The following CSMD1 variants were observed in gnomAD, a reference collection of about 807,000 sequenced individuals.
CSMD1 encodes CUB and Sushi multiple domains 1.
Under a neutral mutation model 417.5 loss-of-function variants are expected in CSMD1, and 213 were observed. That is an observed-to-expected ratio of 0.51 (90% confidence interval 0.46 to 0.57). The LOEUF is 0.57. Among genes scored for constraint, CSMD1 ranks in the 20% least tolerant of loss-of-function variants. The probability of loss-of-function intolerance (pLI) is 0.00; values close to 1 mark genes in which losing one functional copy is unlikely to be tolerated. For synonymous variants in CSMD1, 2,862 were observed against 1,736.8 expected (o/e 1.65, Z -16.11); for missense variants, 6,923 against 4,529.7 (o/e 1.53, Z -15.17).
At chr8:3,615,069 C>A (rs1437768647) in intron 8 of CSMD1, among the ~76,000 whole-genome samples, 1 of 152,172 alleles carries the variant, frequency 6.6e-6, no homozygotes, top group Admixed American at 6.5e-5. Flanking sequence ...TGAATGACTT[C>A]AAATGACTGC....
chr8:3,694,147 A>T (rs1585087396), intron 7 of CSMD1, among the ~76,000 whole-genome samples: 1 of 151,868 alleles, frequency 6.6e-6, no homozygotes, highest in Admixed American at 6.6e-5. Context: ...GTGTGTGTAC[A>T]TGCTGGAGAG....
chr8:4,797,898 A>G (rs1464007982), intron 1 of CSMD1, among the ~76,000 whole-genome samples: 1 of 152,242 alleles, frequency 6.6e-6, no homozygotes, highest in African/African-American at 2.4e-5. Flanking sequence ...AATACTTATA[A>G]AATTCCACAG....
intron 1 of CSMD1, among the ~76,000 whole-genome samples, chr8:4,669,679 T>A (rs1805169686): frequency 6.6e-6 from 1 of 152,186 alleles, no homozygotes; most frequent in Admixed American, 6.5e-5. Flanking sequence ...AGCTGTTGGT[T>A]TTTTGCTAAC....
chr8:3,791,505 C>T (rs150056498), intron 5 of CSMD1, among the ~76,000 whole-genome samples: 1 of 152,294 alleles, frequency 6.6e-6, no homozygotes, highest in East Asian at 1.9e-4. Context: ...GTCATCTCTA[C>T]AACAAGGGTA....
rs1430905316 is a variant in CSMD1 at position 3,414,220 on chromosome 8, A to G, written c.1562-4615T>C. Among the ~76,000 whole-genome samples the G allele has an allele frequency of 2.9e-4, 36 of 124,454 alleles. 1 individual carries two copies. The highest frequency in any genetic ancestry group is 1.1e-3 in the African/African-American group (35 of 30,606). 81.6% of individuals were successfully genotyped at this position (124,454 alleles called of 152,430 possible). A position where few individuals can be genotyped will look rare whatever the true frequency, so the allele number is the denominator to read the frequency against. On this transcript the variant is annotated intron_variant, in intron 12 of 69. Transcript: ENST00000635120. ...GACTGATGCACCTAAAGCAAAAAAA[A>G]AAAAAAAAAAAAAAAAAAATGCTGT...
chr8:4,622,682 G>C (rs899432926), intron 2 of CSMD1, among the ~76,000 whole-genome samples: 14 of 152,264 alleles, frequency 9.2e-5, no homozygotes, highest in African/African-American at 3.1e-4. Flanking sequence ...AGACATTGTG[G>C]ATGATGATGA....
intron 3 of CSMD1, among the ~76,000 whole-genome samples, chr8:4,335,492 C>A (rs971982256): frequency 3.3e-5 from 5 of 152,066 alleles, no homozygotes; most frequent in African/African-American, 1.2e-4. Context: ...ATACAAATGT[C>A]CTGAACAAAC....
At chr8:4,611,395 T>G (rs1032122547) in intron 2 of CSMD1, among the ~76,000 whole-genome samples, 8 of 152,206 alleles carry the variant, frequency 5.3e-5, no homozygotes, top group Admixed American at 2.0e-4. Flanking sequence ...GGCTATCTGG[T>G]TAGTTCTTGA....
At chr8:3,531,921 C>T (rs974386954) in intron 10 of CSMD1, among the ~76,000 whole-genome samples, 1 of 152,144 alleles carries the variant, frequency 6.6e-6, no homozygotes, top group Non-Finnish European at 1.5e-5. Context: ...AAGAAATGAG[C>T]AACATGCAGT....
chr8:3,447,509 T>A (rs10282982), intron 12 of CSMD1, among the ~76,000 whole-genome samples: 30,986 of 152,052 alleles, frequency 0.2, 4,246 homozygotes, highest in African/African-American at 0.36. Flanking sequence ...GTGCAGGCAG[T>A]GTACTTTGTG....
At position 3,263,995 on chromosome 8, in the gene CSMD1, GA is replaced by G. The variant is rs1585849141; in HGVS notation, c.4153+20148del. On this transcript the variant is annotated intron_variant, in intron 26 of 69. Coordinates refer to ENST00000635120, the MANE Select transcript of CSMD1 (RefSeq NM_033225.6). Reference sequence around the variant, plus strand: ...TTTTTGCATCCTCATGAAACTGAAAGATCCTTAATTTGTTTATTTAAAGAGA... The same window carrying G: ...TTTTTGCATCCTCATGAAACTGAAAGTCCTTAATTTGTTTATTTAAAGAGA... Among the ~76,000 whole-genome samples, 4 of 152,206 alleles carry G rather than the reference GA, an allele frequency of 2.6e-5. No individual in the cohort carries two copies. The East Asian group carries it at 7.7e-4, about 29-fold the overall frequency.
chr8:4,607,320 G>GTTAA (rs2130781365), intron 2 of CSMD1, among the ~76,000 whole-genome samples: 1 of 152,246 alleles, frequency 6.6e-6, no homozygotes, highest in Non-Finnish European at 1.5e-5. Context: ...GTATCAGAAT[G>GTTAA]TTAAGGGTTA....
intron 2 of CSMD1, among the ~76,000 whole-genome samples, chr8:4,617,315 C>A (rs977323986): frequency 3.0e-4 from 45 of 152,094 alleles, no homozygotes; most frequent in Non-Finnish European, 1.6e-4. Context: ...ACAGATATAA[C>A]CAAAAATATT....
chr8:2,949,157 C>T, intron 68 of CSMD1, 142 bp downstream of exon 68: 1 of 545,194 alleles, frequency 1.8e-6, no homozygotes, highest in Non-Finnish European at 3.2e-6. Context: ...AATTTTTTTT[C>T]ATTCAGCTGT....
chr8:4,656,771 T>C (rs1375990106), intron 1 of CSMD1, among the ~76,000 whole-genome samples: 3 of 151,652 alleles, frequency 2.0e-5, no homozygotes, highest in Admixed American at 1.3e-4. Flanking sequence ...GTGGCAGACG[T>C]GATCCTAGAA....
intron 2 of CSMD1, among the ~76,000 whole-genome samples, chr8:4,549,916 A>AAAAAG (rs1367977785): frequency 1.2e-3 from 173 of 143,092 alleles, no homozygotes; most frequent in Middle Eastern, 0.012. Flanking sequence ...AAAAAAAAAA[A>AAAAAG]AAAAGAAAAG....
chr8:3,727,620 C>T (rs1174705467), intron 6 of CSMD1, among the ~76,000 whole-genome samples: 3 of 152,168 alleles, frequency 2.0e-5, no homozygotes, highest in Non-Finnish European at 2.9e-5. Context: ...TTTGCGTACA[C>T]ACCTGAAATA....
intron 30 of CSMD1, among the ~76,000 whole-genome samples, chr8:3,209,047 C>A (rs62502950): frequency 0.12 from 17,740 of 152,136 alleles, 1,316 homozygotes; most frequent in Admixed American, 0.19. Context: ...ACACTTTGTG[C>A]AAGCATAGAA....
chr8:4,792,678 A>G (rs938790263), intron 1 of CSMD1, among the ~76,000 whole-genome samples: 2 of 152,164 alleles, frequency 1.3e-5, no homozygotes, highest in African/African-American at 4.8e-5. Flanking sequence ...TTTATAATCA[A>G]TGGGTCCAGA....
Sources: gnomAD v4.1 joint callset for allele counts (sites outside exome capture counted in the v4.1 genomes callset) on GRCh38, gnomAD v4.1.1 for gene constraint, MANE v1.5 for transcripts, NCBI Gene and HGNC (gene_info 2026-07-23, HGNC 2026-07-21) for gene names.